Variants in MRPL13 observed in about 807,000 individuals in gnomAD.
The protein encoded by MRPL13 is mitochondrial ribosomal protein L13.
Under a neutral mutation model 29.0 loss-of-function variants are expected in MRPL13, and 33 were observed. The observed-to-expected ratio is 1.14, with a 90% CI of 0.86 to 1.52. MRPL13 has a LOEUF of 1.52. Among genes scored for constraint, MRPL13 ranks in the 40% most tolerant of loss-of-function variants. MRPL13 has a pLI of 0.00. For missense variants in MRPL13, 227 were observed against 216.7 expected (o/e 1.05, Z -0.30); for synonymous variants, 77 against 68.4 (o/e 1.13, Z -0.62).
chr8:120,405,317 C>T (rs7819820), intron 6 of MRPL13, among the ~76,000 whole-genome samples: 1 of 151,950 alleles, frequency 6.6e-6, no homozygotes, highest in African/African-American at 2.4e-5. Context: ...ACTAAAACAA[C>T]GAAATTCAAG....
chr8:120,438,565 C>T (rs1813080598), intron 2 of MRPL13, among the ~76,000 whole-genome samples: 1 of 152,216 alleles, frequency 6.6e-6, no homozygotes. Flanking sequence ...GTGACTGCTA[C>T]TAATTGCACT....
rs372934824 is a variant in MRPL13, at chr8:120,419,963, T to C, written c.307-25A>G. Reference sequence around the variant, plus strand: ...TCTGAAAGATATACATAGGACACAATAAGAAAATTGTGACTTGCGATAGTA... The same window carrying C: ...TCTGAAAGATATACATAGGACACAACAAGAAAATTGTGACTTGCGATAGTA... On this transcript the variant is annotated intron_variant, in intron 4 of 6. Coordinates refer to ENST00000306185, the MANE Select transcript of MRPL13 (RefSeq NM_014078.6). 22 of 1,463,744 alleles carry C rather than the reference T, an allele frequency of 1.5e-5. No homozygotes were observed. In the African/African-American group the frequency reaches 1.6e-4, roughly 10 times the overall value. The allele number at this position is 1,463,744 out of a possible 1,614,324, so 90.7% of individuals were successfully genotyped here.
chr8:120,432,218 A>G (rs1813004939), intron 2 of MRPL13, 95 bp from the exon 3 acceptor site: 1 of 852,492 alleles, frequency 1.2e-6, no homozygotes. Context: ...AAGTTCAAAC[A>G]ACATATTAAA....
At chr8:120,407,649 A>G (rs1323599125) in intron 6 of MRPL13, among the ~76,000 whole-genome samples, 1 of 57,208 alleles carries the variant, frequency 1.7e-5, no homozygotes, top group Non-Finnish European at 3.2e-5. Flanking sequence ...AACTCCATCT[A>G]AAACAAAACA....
chr8:120,429,745 T>G (rs970506913), intron 3 of MRPL13, among the ~76,000 whole-genome samples: 1 of 152,186 alleles, frequency 6.6e-6, no homozygotes. Flanking sequence ...CAGGACCTCC[T>G]GAGCATACCA....
intron 2 of MRPL13, among the ~76,000 whole-genome samples, chr8:120,434,484 A>C (rs1196369916): frequency 6.6e-6 from 1 of 152,136 alleles, no homozygotes. Context: ...TAAGTGGTAA[A>C]GTTAAGTTTC....
At chr8:120,429,366 A>G (rs1402639904) in intron 3 of MRPL13, among the ~76,000 whole-genome samples, 47 of 152,094 alleles carry the variant, frequency 3.1e-4, no homozygotes, top group Admixed American at 3.1e-3. Context: ...GGGTGGGAGT[A>G]GAGAGAGGAA....
chr8:120,428,121 A>G (rs145563212), intron 3 of MRPL13, among the ~76,000 whole-genome samples: 1,950 of 86,282 alleles, frequency 0.023, 41 homozygotes, highest in African/African-American at 0.072. Flanking sequence ...ACAGCATGGT[A>G]CTGATAAAAA....
intron 2 of MRPL13, among the ~76,000 whole-genome samples, chr8:120,439,698 A>G (rs998102036): frequency 2.6e-5 from 4 of 152,210 alleles, no homozygotes; most frequent in African/African-American, 4.8e-5. Flanking sequence ...CAAAGATTAA[A>G]AAGACAAAAC....
chr8:120,406,810 T>A (rs1586918492), intron 6 of MRPL13, among the ~76,000 whole-genome samples: 1 of 152,300 alleles, frequency 6.6e-6, no homozygotes. Flanking sequence ...TTCTCTAAAT[T>A]GTGCTAAACT....
intron 6 of MRPL13, among the ~76,000 whole-genome samples, chr8:120,411,426 T>A (rs566292490): frequency 6.6e-6 from 1 of 152,188 alleles, no homozygotes; most frequent in Non-Finnish European, 1.5e-5. Context: ...TAAATGATCA[T>A]CTATTTCTTA....
chr8:120,409,753 A>G (rs1812720736), intron 6 of MRPL13, among the ~76,000 whole-genome samples: 1 of 152,182 alleles, frequency 6.6e-6, no homozygotes, highest in Non-Finnish European at 1.5e-5. Context: ...AAGAAGTGAG[A>G]TGAATGGGCA....
chr8:120,417,612 T>C (rs1812820012), intron 5 of MRPL13, among the ~76,000 whole-genome samples: 2 of 152,188 alleles, frequency 1.3e-5, no homozygotes, highest in Non-Finnish European at 2.9e-5. Context: ...ATTATTACCA[T>C]GTGTTTTGAG....
At chr8:120,421,406 G>A (rs957078570) in intron 4 of MRPL13, among the ~76,000 whole-genome samples, 3 of 151,636 alleles carry the variant, frequency 2.0e-5, no homozygotes, top group Non-Finnish European at 4.4e-5. Flanking sequence ...TATTAATTAA[G>A]ATATTTCACA....
In MRPL13 at chr8:120,419,902, T is replaced by G; in HGVS notation, c.343A>C (p.Asn115His). The G allele has an allele frequency of 6.3e-7, 1 of 1,596,884 alleles. No homozygotes were observed. The highest frequency in any genetic ancestry group is 8.5e-7 in the Non-Finnish European group (1 of 1,171,820). ...KLAIYGMLPK[N>H]LHRRTMMERL... ...TCCATCATTGTTCTTCTGTGAAGGT[T>G]TTTTGGCAGCATGCCATAAATAGCT... Residue 115 changes from asparagine (N) to histidine (H), a missense_variant, in exon 5 of 7, where the codon AAC becomes CAC. Coordinates refer to ENST00000306185, the MANE Select transcript of MRPL13 (RefSeq NM_014078.6).
intron 2 of MRPL13, among the ~76,000 whole-genome samples, chr8:120,441,418 T>C (rs983657567): frequency 1.3e-5 from 2 of 152,172 alleles, no homozygotes; most frequent in South Asian, 4.2e-4. Flanking sequence ...ACTTCCAATT[T>C]TTGGTGAGAA....
chr8:120,436,355 T>C (rs1813053871), intron 2 of MRPL13, among the ~76,000 whole-genome samples: 1 of 152,152 alleles, frequency 6.6e-6, no homozygotes, highest in African/African-American at 2.4e-5. Context: ...GTCACTATTT[T>C]TTATTTTAGT....
intron 1 of MRPL13, chr8:120,444,840 C>CCAAAA: frequency 2.1e-6 from 1 of 473,788 alleles, no homozygotes; most frequent in Non-Finnish European, 3.9e-6. Context: ...CCCGCCCCCC[C>CCAAAA]AAGAAAGACA....
At chr8:120,422,708 A>T (rs1812888494) in intron 4 of MRPL13, among the ~76,000 whole-genome samples, 1 of 151,656 alleles carries the variant, frequency 6.6e-6, no homozygotes, top group Non-Finnish European at 1.5e-5. Flanking sequence ...TATTTTTTAA[A>T]GTATGAAACA....
Sources: gnomAD v4.1 joint callset for allele counts (sites outside exome capture counted in the v4.1 genomes callset) on GRCh38, gnomAD v4.1.1 for gene constraint, MANE v1.5 for transcripts, NCBI Gene and HGNC (gene_info 2026-07-23, HGNC 2026-07-21) for gene names.